KLHL4: variants seen among roughly 807,000 people sequenced by gnomAD.
KLHL4 encodes kelch like family member 4.
A neutral mutation model predicts 45.8 loss-of-function variants in KLHL4; 17 were observed. The observed-to-expected ratio is 0.37, with a 90% confidence interval of 0.25 to 0.56. The LOEUF is 0.56. KLHL4 is among the 20% of genes least tolerant of loss of function. KLHL4 has a pLI of 0.79. For missense variants in KLHL4, 544 were observed against 544.9 expected (o/e 1.00, Z 0.02); for synonymous variants, 224 against 189.9 (o/e 1.18, Z -1.47).
intron 6 of KLHL4, 148 bp from the exon 7 acceptor site, chrX:87,632,062 G>A: frequency 4.8e-6 from 2 of 420,754 alleles, no homozygotes; most frequent in Non-Finnish European, 8.3e-6. Flanking sequence ...CTCCCAGGTT[G>A]TAGAATTACC....
rs944711815 is a variant in KLHL4, at chrX:87,649,532, C to T, written c.1925+13757C>T. On this transcript the variant is annotated intron_variant, in intron 9 of 10. Coordinates refer to ENST00000373119, the MANE Select transcript of KLHL4 (RefSeq NM_019117.5). ...AAATATTTTTAATTTTGATGAAGTT[C>T]AATTTATATATTTTTTCTTGTTGAC... Among the ~76,000 whole-genome samples, 123 of 111,200 alleles carry T rather than the reference C, an allele frequency of 1.1e-3. 1 individual carries two copies. The highest frequency in any genetic ancestry group is 3.9e-3 in the African/African-American group (119 of 30,751).
chrX:87,612,322 G>A (rs1011451062), intron 1 of KLHL4, among the ~76,000 whole-genome samples: 1 of 111,286 alleles, frequency 9.0e-6, no homozygotes, highest in Non-Finnish European at 1.9e-5. Flanking sequence ...TATTTTTACT[G>A]TGCTCTTTCT....
chrX:87,518,272 T>A lies in KLHL4; in HGVS notation c.379T>A (p.Leu127Met), dbSNP rs777412756. Residue 127 changes from leucine to methionine, a missense_variant, in exon 1 of 11, where the codon TTG becomes ATG. Leu to Met is a conservative substitution (Grantham distance 15). Transcript: ENST00000373119. Reference sequence around the variant, plus strand: ...AGCTTGTGAGAAACGCGCACAAGATTTGGAGATGATGGCTGATGACAATAT... The same window carrying A: ...AGCTTGTGAGAAACGCGCACAAGATATGGAGATGATGGCTGATGACAATAT... Reference protein sequence around the residue: ...KEACEKRAQDLEMMADDNIED... With the variant: ...KEACEKRAQDMEMMADDNIED... 1.6e-5 allele frequency: 19 copies of A among 1,211,520 alleles called. No individual in the cohort carries two copies. Among genetic ancestry groups the A allele is most frequent in the Non-Finnish European group, 2.0e-5 (18 of 895,333 alleles).
At chrX:87,573,178 C>A (rs1338016246) in intron 1 of KLHL4, among the ~76,000 whole-genome samples, 1 of 111,363 alleles carries the variant, frequency 9.0e-6, no homozygotes, top group Non-Finnish European at 1.9e-5. Flanking sequence ...ACAATCAGAA[C>A]TATTCAGAGG....
chrX:87,569,823 A>C (rs930963876), intron 1 of KLHL4, among the ~76,000 whole-genome samples: 16 of 111,451 alleles, frequency 1.4e-4, no homozygotes, highest in African/African-American at 5.2e-4. Context: ...ATAGGGAGAG[A>C]GATGAAGGAG....
At chrX:87,631,062 G>A (rs1923080322) in intron 6 of KLHL4, among the ~76,000 whole-genome samples, 1 of 111,689 alleles carries the variant, frequency 9.0e-6, no homozygotes, top group African/African-American at 3.3e-5. Flanking sequence ...GTTCTACATA[G>A]GGCGCAAAAG....
intron 1 of KLHL4, among the ~76,000 whole-genome samples, chrX:87,558,253 T>C (rs763025120): frequency 3.6e-5 from 4 of 110,938 alleles, no homozygotes; most frequent in Non-Finnish European, 7.6e-5. Context: ...GTGACTGGAG[T>C]GATCTGTTTA....
In KLHL4 at chrX:87,668,228, T is replaced by C; in HGVS notation, c.*1694T>C. 1.3e-6 allele frequency: 1 copy of C among 751,449 alleles called. No homozygotes were observed. The highest frequency in any genetic ancestry group is 1.6e-6 in the Non-Finnish European group (1 of 638,069). The allele number at this position is 751,449 out of a possible 1,213,427, so 61.9% of individuals were successfully genotyped here. A position where few individuals can be genotyped will look rare whatever the true frequency, so the allele number is the denominator to read the frequency against. On this transcript the variant is annotated 3_prime_UTR_variant, in exon 11 of 11. Coordinates refer to ENST00000373119, the MANE Select transcript of KLHL4 (RefSeq NM_019117.5). ...GAGTTACCTAAACCTTTATCGCCAA[T>C]GCACAGCTTGGCCTGTTAAGTTAAA...
At chrX:87,550,853 C>T (rs1485513274) in intron 1 of KLHL4, among the ~76,000 whole-genome samples, 1 of 110,873 alleles carries the variant, frequency 9.0e-6, no homozygotes, top group Non-Finnish European at 1.9e-5. Context: ...AAGGGACATA[C>T]CTCAATGTAA....
chrX:87,589,783 A>C (rs918271830), intron 1 of KLHL4, among the ~76,000 whole-genome samples: 4 of 110,139 alleles, frequency 3.6e-5, no homozygotes, highest in African/African-American at 1.3e-4. Context: ...TAATCCCAGC[A>C]CTTTGGGAGG....
At chrX:87,536,214 C>A (rs957990126) in intron 1 of KLHL4, among the ~76,000 whole-genome samples, 1 of 111,393 alleles carries the variant, frequency 9.0e-6, no homozygotes, top group Non-Finnish European at 1.9e-5. Context: ...ATACTACTGA[C>A]AAGTTCTCTG....
At chrX:87,539,937 G>A (rs1348716643) in intron 1 of KLHL4, among the ~76,000 whole-genome samples, 1 of 111,374 alleles carries the variant, frequency 9.0e-6, no homozygotes, top group Admixed American at 9.6e-5. Flanking sequence ...TACAAACCAA[G>A]ATGGGCTAGC....
chrX:87,625,253 A>G (rs1228826227), intron 5 of KLHL4, among the ~76,000 whole-genome samples: 1 of 112,506 alleles, frequency 8.9e-6, no homozygotes, highest in African/African-American at 3.2e-5. Flanking sequence ...ATCATACTAA[A>G]TAACAAAAAG....
At chrX:87,617,649 G>A (rs891681280) in intron 3 of KLHL4, among the ~76,000 whole-genome samples, 2 of 111,436 alleles carry the variant, frequency 1.8e-5, no homozygotes, top group Non-Finnish European at 3.8e-5. Flanking sequence ...TTAAATGCAG[G>A]CCTAAGATGA....
intron 3 of KLHL4, among the ~76,000 whole-genome samples, chrX:87,616,632 A>G (rs1487655287): frequency 8.9e-6 from 1 of 111,833 alleles, no homozygotes; most frequent in East Asian, 2.8e-4. Flanking sequence ...AATACTGTAC[A>G]CTGTAATATA....
chrX:87,585,487 AT>A (rs987736174), intron 1 of KLHL4, among the ~76,000 whole-genome samples: 8 of 111,357 alleles, frequency 7.2e-5, no homozygotes, highest in Admixed American at 9.5e-5. Flanking sequence ...GCTAAAACAG[AT>A]TTTTTTTATT....
At chrX:87,659,113 C>CTTTTTTTTTTTTTTTT (rs1178733729) in intron 9 of KLHL4, among the ~76,000 whole-genome samples, 22 of 45,097 alleles carry the variant, frequency 4.9e-4, no homozygotes, top group East Asian at 7.2e-4. Context: ...TCTTTTCTTT[C>CTTTTTTTTTTTTTTTT]TTTTTTTTTT....
Position 87,571,784 on chromosome X carries a change from T to TA in KLHL4, c.423-42092dup, listed in dbSNP as rs202128434. 1.7e-3 allele frequency among the ~76,000 whole-genome samples: 189 copies of TA among 111,258 alleles called. 5 individuals carry two copies. The East Asian group carries it at 0.051, about 30-fold the overall frequency. ...TTATTTTCTCAGAAAAGTCAATTGA[T>TA]ATAGAGACATTTTTCTCATGAGTGT... On this transcript the variant is annotated intron_variant, in intron 1 of 10. Coordinates refer to ENST00000373119, the MANE Select transcript of KLHL4 (RefSeq NM_019117.5).
At chrX:87,530,135 C>A (rs1321418518) in intron 1 of KLHL4, among the ~76,000 whole-genome samples, 1 of 110,210 alleles carries the variant, frequency 9.1e-6, no homozygotes. Flanking sequence ...AATTAGATTC[C>A]ATTTGTCAAT....
Sources: allele counts gnomAD v4.1 joint callset (sites outside exome capture counted in the v4.1 genomes callset), GRCh38; gene constraint gnomAD v4.1.1; transcripts MANE v1.5; gene names NCBI Gene and HGNC (gene_info 2026-07-23, HGNC 2026-07-21).